MYRIP: variants seen among roughly 807,000 people sequenced by gnomAD.
MYRIP encodes myosin VIIA and Rab interacting protein, also known as rab effector MyRIP.
MYRIP carries 49 observed loss-of-function variants against 98.0 expected under a neutral mutation model. The ratio of observed to expected loss-of-function variants is 0.50; its 90% CI spans 0.40 to 0.63. MYRIP has a LOEUF of 0.63. MYRIP is among the 30% of genes least tolerant of loss of function. The pLI is 0.00. For missense variants in MYRIP, 1,004 were observed against 1,058.2 expected, an observed-to-expected ratio of 0.95 and a Z score of 0.71; for synonymous variants, 404 against 409.5, an observed-to-expected ratio of 0.99 and a Z score of 0.16.
intron 1 of MYRIP, among the ~76,000 whole-genome samples, chr3:39,845,555 G>T (rs182831482): frequency 6.6e-6 from 1 of 152,066 alleles, no homozygotes; most frequent in African/African-American, 2.4e-5. Flanking sequence ...GGCACTTTGC[G>T]TATCTTATTT....
chr3:40,066,221 T>G (rs555274553), intron 3 of MYRIP, among the ~76,000 whole-genome samples: 5 of 152,140 alleles, frequency 3.3e-5, no homozygotes, highest in African/African-American at 1.2e-4. Flanking sequence ...CCACACCAAC[T>G]TGCAACTTTT....
chr3:40,248,316 G>A (rs1953267266), intron 13 of MYRIP: 1 of 152,332 alleles, frequency 6.6e-6, no homozygotes, highest in South Asian at 2.1e-4. Flanking sequence ...CCTGGAGAAA[G>A]CTTCTCTTAA....
At chr3:40,033,643 G>A (rs946829192) in intron 2 of MYRIP, among the ~76,000 whole-genome samples, 2 of 152,138 alleles carry the variant, frequency 1.3e-5, no homozygotes, top group Admixed American at 1.3e-4. Flanking sequence ...TGGCCATACT[G>A]CCCAAGGTAA....
At chr3:39,889,537 G>A (rs1413644192) in intron 1 of MYRIP, among the ~76,000 whole-genome samples, 1 of 152,172 alleles carries the variant, frequency 6.6e-6, no homozygotes, top group Non-Finnish European at 1.5e-5. Flanking sequence ...TGTGGGGTGG[G>A]GGTAGGGAGG....
intron 16 of MYRIP, among the ~76,000 whole-genome samples, chr3:40,255,797 T>G (rs7434088): frequency 6.6e-6 from 1 of 152,052 alleles, no homozygotes; most frequent in Non-Finnish European, 1.5e-5. Context: ...AATTAGAGAA[T>G]AGTGTAACTG....
At chr3:39,967,823 T>C (rs558398022) in intron 2 of MYRIP, among the ~76,000 whole-genome samples, 13 of 152,328 alleles carry the variant, frequency 8.5e-5, no homozygotes, top group Admixed American at 4.6e-4. Context: ...TTTGCATTTC[T>C]CTAATGATCA....
In MYRIP at chr3:39,809,833, C is replaced by T. The variant is rs1232703875; in HGVS notation, c.-114C>T. 6.6e-6 allele frequency: 1 copy of T among 152,324 alleles called. No individual in the cohort carries two copies. Among genetic ancestry groups the T allele is most frequent in the African/African-American group, 2.4e-5 (1 of 41,472 alleles). 9.4% of individuals were successfully genotyped at this position (152,324 alleles called of 1,614,324 possible). A position where few individuals can be genotyped will look rare whatever the true frequency, so the allele number is the denominator to read the frequency against. The stretch of plus-strand genomic sequence containing the variant: ...CACGCGGCGCGTTGCGGCAGGTGCC[C>T]TGGGCGTACTGAGGCGCGGTGGCCT... On this transcript the variant is annotated 5_prime_UTR_variant, in exon 1 of 17. Coordinates refer to ENST00000302541, the MANE Select transcript of MYRIP (RefSeq NM_015460.4).
chr3:39,887,174 G>C (rs941374068), intron 1 of MYRIP, among the ~76,000 whole-genome samples: 1 of 151,872 alleles, frequency 6.6e-6, no homozygotes, highest in Admixed American at 6.6e-5. Context: ...AGAATCTCTG[G>C]GACGCATTCA....
chr3:40,012,166 G>A lies in MYRIP; in HGVS notation c.111-31884G>A, dbSNP rs555491501. Among the ~76,000 whole-genome samples, 34 of 152,246 alleles carry A rather than the reference G, an allele frequency of 2.2e-4. No homozygotes were observed. In the South Asian group the frequency reaches 6.2e-3, roughly 28 times the overall value. ...AGACAGATAAGTAGTTCTTTTTACG[G>A]TTTATCTCACAGCTTCAGTCATGTT... is the stretch of plus-strand genomic sequence containing the variant. On this transcript the variant is annotated intron_variant, in intron 2 of 16. Coordinates refer to ENST00000302541, the MANE Select transcript of MYRIP (RefSeq NM_015460.4).
intron 3 of MYRIP, among the ~76,000 whole-genome samples, chr3:40,112,197 A>C (rs1309640177): frequency 6.7e-6 from 1 of 150,258 alleles, no homozygotes; most frequent in Non-Finnish European, 1.5e-5. Flanking sequence ...GAACACACAC[A>C]CATACGCTCA....
At chr3:40,197,801 A>G (rs1483965479) in intron 10 of MYRIP, among the ~76,000 whole-genome samples, 1 of 152,226 alleles carries the variant, frequency 6.6e-6, no homozygotes, top group Non-Finnish European at 1.5e-5. Flanking sequence ...TTCTCTCTGC[A>G]GTATTTTTCC....
chr3:40,118,194 CA>C (rs1237849646), intron 3 of MYRIP, among the ~76,000 whole-genome samples: 11 of 151,060 alleles, frequency 7.3e-5, no homozygotes, highest in Admixed American at 4.0e-4. Flanking sequence ...ATTGGATTAG[CA>C]AAGGTCAAAA....
At chr3:40,146,580 G>T (rs913001472) in intron 3 of MYRIP, among the ~76,000 whole-genome samples, 1 of 152,118 alleles carries the variant, frequency 6.6e-6, no homozygotes, top group African/African-American at 2.4e-5. Context: ...TGGGAAGAGG[G>T]AGTTCATCCT....
intron 8 of MYRIP, among the ~76,000 whole-genome samples, chr3:40,172,915 C>T (rs1214778384): frequency 1.3e-5 from 2 of 152,234 alleles, no homozygotes; most frequent in East Asian, 3.9e-4. Context: ...TTTCTCTGAC[C>T]CTGTCTCATT....
chr3:40,041,565 T>C lies in MYRIP; in HGVS notation c.111-2485T>C, dbSNP rs565056074. On this transcript the variant is annotated intron_variant, in intron 2 of 16. Transcript: ENST00000302541. ...CCTGTATTCTTCAAAAATGTCATGG[T>C]AATGAAAGACAAAAGAAAGTTGAGG... Among the ~76,000 whole-genome samples, 20 of 151,012 alleles carry C rather than the reference T, an allele frequency of 1.3e-4. 1 individual carries two copies. The highest frequency in any genetic ancestry group is 4.9e-4 in the African/African-American group (20 of 41,156).
chr3:39,863,710 T>TCA (rs1296915127), intron 1 of MYRIP, among the ~76,000 whole-genome samples: 1 of 152,112 alleles, frequency 6.6e-6, no homozygotes, highest in Non-Finnish European at 1.5e-5. Flanking sequence ...CCAGATGGAT[T>TCA]CACAGATGAA....
At chr3:40,067,395 T>A (rs1358369058) in intron 3 of MYRIP, among the ~76,000 whole-genome samples, 1 of 152,200 alleles carries the variant, frequency 6.6e-6, no homozygotes, top group Non-Finnish European at 1.5e-5. Context: ...TTCATAAATA[T>A]CTTTTCTGAG....
In MYRIP at chr3:40,058,720, G is replaced by A. The variant is rs572745725; in HGVS notation, c.332+14449G>A. Among the ~76,000 whole-genome samples the A allele has an allele frequency of 3.3e-5, 5 of 152,128 alleles. No homozygotes were observed. In the East Asian group the frequency reaches 9.7e-4, roughly 29 times the overall value. On this transcript the variant is annotated intron_variant, in intron 3 of 16. Coordinates refer to ENST00000302541, the MANE Select transcript of MYRIP (RefSeq NM_015460.4). ...AGAGATAATCACCATTTTGAACATG[G>A]TACTTGGGTTGTATTCACTAATGGT...
chr3:39,889,217 GACACATGC>G (rs1943409412), intron 1 of MYRIP, among the ~76,000 whole-genome samples: 1 of 152,174 alleles, frequency 6.6e-6, no homozygotes, highest in South Asian at 2.1e-4. Context: ...CTGCTATAAA[GACACATGC>G]ACACGTATGT....
Sources: gnomAD v4.1 joint callset for allele counts (sites outside exome capture counted in the v4.1 genomes callset) on GRCh38, gnomAD v4.1.1 for gene constraint, MANE v1.5 for transcripts, NCBI Gene and HGNC (gene_info 2026-07-23, HGNC 2026-07-21) for gene names.